The following CTNND2 variants were observed in gnomAD, a reference collection of about 807,000 sequenced individuals.
CTNND2 encodes the protein catenin delta-2.
In CTNND2, 22 loss-of-function variants were observed where a neutral mutation model predicts 144.4. That is an observed-to-expected ratio of 0.15 (90% CI 0.11 to 0.22). CTNND2 has a LOEUF of 0.22. CTNND2 is among the 10% of genes least tolerant of loss of function. The pLI is 1.00. For missense variants in CTNND2, 1,353 were observed against 1,618.8 expected (o/e 0.84, Z 2.82); for synonymous variants, 751 against 695.6 (o/e 1.08, Z -1.25).
intron 16 of CTNND2, among the ~76,000 whole-genome samples, chr5:11,081,108 T>TCA (rs1749526081): frequency 3.0e-5 from 2 of 67,006 alleles, no homozygotes; most frequent in Non-Finnish European, 3.9e-5. Context: ...ACACACACAC[T>TCA]CACACACACA....
chr5:11,597,104 T>C (rs923456421), intron 2 of CTNND2, among the ~76,000 whole-genome samples: 1 of 152,182 alleles, frequency 6.6e-6, no homozygotes, highest in Non-Finnish European at 1.5e-5. Flanking sequence ...ATTAAACCGA[T>C]GTGAATCACA....
chr5:11,089,351 C>T (rs1047353227), intron 15 of CTNND2, among the ~76,000 whole-genome samples: 4 of 152,238 alleles, frequency 2.6e-5, no homozygotes, highest in Non-Finnish European at 4.4e-5. Flanking sequence ...TGCTTCCTCA[C>T]CTCCTCCACT....
intron 2 of CTNND2, among the ~76,000 whole-genome samples, chr5:11,662,523 C>G (rs897242341): frequency 6.6e-6 from 1 of 151,988 alleles, no homozygotes; most frequent in African/African-American, 2.4e-5. Context: ...GCTTTATAGT[C>G]TAGCCATGTT....
chr5:11,750,993 A>G (rs1022358862), intron 1 of CTNND2, among the ~76,000 whole-genome samples: 1 of 151,842 alleles, frequency 6.6e-6, no homozygotes, highest in Non-Finnish European at 1.5e-5. Flanking sequence ...TAAAATTAAG[A>G]TTTCATAGAC....
chr5:11,698,347 G>A (rs1000730032), intron 2 of CTNND2, among the ~76,000 whole-genome samples: 6 of 150,120 alleles, frequency 4.0e-5, no homozygotes, highest in African/African-American at 1.5e-4. Flanking sequence ...GGAATGCAGT[G>A]GCGCGATCTC....
intron 16 of CTNND2, among the ~76,000 whole-genome samples, chr5:11,055,785 G>A (rs1303475472): frequency 6.6e-6 from 1 of 152,134 alleles, no homozygotes; most frequent in Non-Finnish European, 1.5e-5. Context: ...ATGTAGGGAG[G>A]AGCAAGAGAC....
chr5:11,371,502 A>G (rs919316043), intron 7 of CTNND2, among the ~76,000 whole-genome samples: 1 of 152,236 alleles, frequency 6.6e-6, no homozygotes, highest in Non-Finnish European at 1.5e-5. Context: ...TCCATGAGGA[A>G]CTGGGCACAT....
At position 11,837,742 on chromosome 5, in the gene CTNND2, GA is replaced by G. The variant is rs201610128; in HGVS notation, c.37+66074del. Among the ~76,000 whole-genome samples the G allele has an allele frequency of 1.7e-3, 263 of 151,748 alleles. 1 individual carries two copies. The highest frequency in any genetic ancestry group is 6.2e-3 in the African/African-American group (255 of 41,382). On this transcript the variant is annotated intron_variant, in intron 1 of 21. Coordinates refer to ENST00000304623, the MANE Select transcript of CTNND2 (RefSeq NM_001332.4). The stretch of plus-strand genomic sequence containing the variant: ...GACTTGTGAATCTGTTTTTTCCTTC[GA>G]AAAAAACAAAGGTTTTTTTCTGGCT...
chr5:11,563,304 C>A (rs1193466391), intron 3 of CTNND2, among the ~76,000 whole-genome samples: 1 of 152,158 alleles, frequency 6.6e-6, no homozygotes, highest in Non-Finnish European at 1.5e-5. Context: ...GGCTTCAAAG[C>A]CAACTCGACA....
At chr5:11,106,820 G>A (rs998522295) in intron 14 of CTNND2, among the ~76,000 whole-genome samples, 1 of 152,052 alleles carries the variant, frequency 6.6e-6, no homozygotes, top group Non-Finnish European at 1.5e-5. Flanking sequence ...GTGCCACTAC[G>A]AGCCAGTCTA....
rs1241988889 is a variant in CTNND2 at position 11,593,325 on chromosome 5, G to A, written c.175-28269C>T. On this transcript the variant is annotated intron_variant, in intron 2 of 21. Transcript: ENST00000304623. ...TCATTCTGTCTTTCTCTGTATATGT[G>A]TTAAGTCTGAAATGCAATGTAATAT... Among the ~76,000 whole-genome samples the A allele has an allele frequency of 3.3e-5, 5 of 152,270 alleles. No individual in the cohort carries two copies. The South Asian group carries it at 8.3e-4, about 25-fold the overall frequency.
intron 12 of CTNND2, among the ~76,000 whole-genome samples, chr5:11,141,960 G>A (rs1197413289): frequency 2.0e-5 from 3 of 152,156 alleles, no homozygotes; most frequent in Non-Finnish European, 4.4e-5. Context: ...TTGCAAGAGT[G>A]AGTTTGTTAT....
chr5:11,758,532 A>G (rs1789078647), intron 1 of CTNND2, among the ~76,000 whole-genome samples: 1 of 152,028 alleles, frequency 6.6e-6, no homozygotes, highest in Admixed American at 6.6e-5. Flanking sequence ...GGTAACCATC[A>G]TATAGTACCT....
At chr5:11,868,143 C>A (rs147451102) in intron 1 of CTNND2, among the ~76,000 whole-genome samples, 1 of 151,964 alleles carries the variant, frequency 6.6e-6, no homozygotes, top group Non-Finnish European at 1.5e-5. Flanking sequence ...GTGACGCATG[C>A]GCAGGGGTGT....
intron 1 of CTNND2, among the ~76,000 whole-genome samples, chr5:11,768,687 A>G (rs1789741978): frequency 6.6e-6 from 1 of 152,198 alleles, no homozygotes; most frequent in Admixed American, 6.5e-5. Flanking sequence ...GCATCTTGTG[A>G]TCACATACTA....
chr5:11,058,705 A>C (rs1481481702), intron 16 of CTNND2, among the ~76,000 whole-genome samples: 1 of 152,218 alleles, frequency 6.6e-6, no homozygotes, highest in East Asian at 1.9e-4. Flanking sequence ...GACCTCTTGC[A>C]TCGTGAAGCT....
intron 13 of CTNND2, among the ~76,000 whole-genome samples, chr5:11,114,783 A>T (rs1388365535): frequency 6.6e-6 from 1 of 152,212 alleles, no homozygotes; most frequent in Non-Finnish European, 1.5e-5. Flanking sequence ...TTAACTTCTC[A>T]GGCCTTAAAA....
intron 1 of CTNND2, among the ~76,000 whole-genome samples, chr5:11,887,052 C>T (rs148639296): frequency 5.2e-5 from 7 of 135,282 alleles, no homozygotes; most frequent in East Asian, 2.3e-4. Flanking sequence ...GGCGCGATCT[C>T]GGCTCACTGC....
intron 3 of CTNND2, among the ~76,000 whole-genome samples, chr5:11,455,181 C>T (rs1308677121): frequency 1.3e-5 from 2 of 151,068 alleles, no homozygotes; most frequent in Non-Finnish European, 2.9e-5. Flanking sequence ...GTAAAAAACG[C>T]CAAGCAGAGG....
Sources: allele counts gnomAD v4.1 joint callset (sites outside exome capture counted in the v4.1 genomes callset), GRCh38; gene constraint gnomAD v4.1.1; transcripts MANE v1.5; gene names NCBI Gene and HGNC (gene_info 2026-07-23, HGNC 2026-07-21).